NR3C2: variants seen among roughly 807,000 people sequenced by gnomAD.
The protein encoded by NR3C2 is mineralocorticoid receptor.
NR3C2 carries 15 observed loss-of-function variants against 86.4 expected under a neutral mutation model. That is an observed-to-expected ratio of 0.17 (90% CI 0.12 to 0.27). The LOEUF is 0.27. Ranked by LOEUF, NR3C2 falls within the 10% of genes least tolerant of loss-of-function variation. The probability of loss-of-function intolerance (pLI) is 1.00; values close to 1 mark genes in which losing one functional copy is unlikely to be tolerated. For missense variants in NR3C2, 960 were observed against 1,195.6 expected (o/e 0.80, Z 2.91); for synonymous variants, 458 against 450.5 (o/e 1.02, Z -0.21).
At chr4:148,288,553 G>C (rs61760317) in intron 2 of NR3C2, among the ~76,000 whole-genome samples, 31,190 of 152,186 alleles carry the variant, frequency 0.2, 3,374 homozygotes, top group Non-Finnish European at 0.22. Context: ...TTGAGCACAG[G>C]GTTGCTGGGC....
intron 4 of NR3C2, among the ~76,000 whole-genome samples, chr4:148,172,001 C>T (rs951590624): frequency 2.0e-5 from 3 of 152,140 alleles, no homozygotes; most frequent in African/African-American, 7.2e-5. Flanking sequence ...AGTTGATAAT[C>T]CCTGGGAGTT....
At chr4:148,387,123 G>A (rs868584344) in intron 2 of NR3C2, among the ~76,000 whole-genome samples, 1 of 152,204 alleles carries the variant, frequency 6.6e-6, no homozygotes, top group Non-Finnish European at 1.5e-5. Flanking sequence ...GAGATTCCAG[G>A]AAAGCTCTTT....
chr4:148,370,857 G>GC (rs1046097680), intron 2 of NR3C2, among the ~76,000 whole-genome samples: 5 of 151,096 alleles, frequency 3.3e-5, no homozygotes, highest in African/African-American at 9.8e-5. Context: ...TCTCCTCCCC[G>GC]CCCCCCAATA....
chr4:148,430,474 T>A (rs1749750069), intron 2 of NR3C2, among the ~76,000 whole-genome samples: 1 of 152,006 alleles, frequency 6.6e-6, no homozygotes. Flanking sequence ...AAAATGAATA[T>A]CAGGAGAAAC....
intron 4 of NR3C2, among the ~76,000 whole-genome samples, chr4:148,181,128 A>G (rs958338418): frequency 1.3e-5 from 2 of 152,198 alleles, no homozygotes; most frequent in African/African-American, 2.4e-5. Flanking sequence ...AACTACAGAT[A>G]CTTGTTGGAA....
At chr4:148,379,258 T>C (rs963778274) in intron 2 of NR3C2, among the ~76,000 whole-genome samples, 1 of 152,164 alleles carries the variant, frequency 6.6e-6, no homozygotes, top group Non-Finnish European at 1.5e-5. Context: ...GTGTTTTTTT[T>C]TTTAAATACC....
At chr4:148,239,880 C>A (rs1319927284) in intron 3 of NR3C2, among the ~76,000 whole-genome samples, 1 of 151,650 alleles carries the variant, frequency 6.6e-6, no homozygotes. Context: ...ACTTTGGAAG[C>A]TTCAGAGAAC....
chr4:148,343,820 C>T (rs1440087495), intron 2 of NR3C2, among the ~76,000 whole-genome samples: 3 of 152,044 alleles, frequency 2.0e-5, no homozygotes, highest in African/African-American at 7.2e-5. Flanking sequence ...GTACTATTCT[C>T]CTTTTGAGGT....
In NR3C2 at chr4:148,436,776, A is replaced by G; in HGVS notation, c.85T>C (p.Ser29Pro). 6.2e-7 allele frequency: 1 copy of G among 1,613,954 alleles called. No individual in the cohort carries two copies. Among genetic ancestry groups the G allele is most frequent in the Non-Finnish European group, 8.5e-7 (1 of 1,179,886 alleles). Residue 29 changes from serine (S) to proline (P), a missense_variant, in exon 2 of 9, where the codon TCT (serine) becomes CCT (proline). This residue lies in a region of NR3C2 where 680 missense variants were observed against 719.0 expected (regional missense o/e 0.95). Coordinates refer to ENST00000358102, the MANE Select transcript of NR3C2 (RefSeq NM_000901.5). ...WGQVSQAVER[S>P]SLGPTERTDE... ...GTCCTCTCTGTAGGTCCCAGGGAAG[A>G]ACGCTCCACAGCCTGAGAAACTTGA...
chr4:148,371,213 T>G (rs1746402390), intron 2 of NR3C2, among the ~76,000 whole-genome samples: 1 of 152,232 alleles, frequency 6.6e-6, no homozygotes, highest in South Asian at 2.1e-4. Context: ...TTTGAGTTAT[T>G]TTAATATGTA....
upstream of NR3C2, chr4:148,442,930 G>T (rs1369181502): frequency 1.0e-6 from 1 of 985,114 alleles, no homozygotes; most frequent in Non-Finnish European, 1.2e-6. Context: ...GCAAAGTGTC[G>T]TCCCCTCACG....
intron 2 of NR3C2, among the ~76,000 whole-genome samples, chr4:148,429,326 G>GTAT (rs1749693207): frequency 6.6e-6 from 1 of 152,182 alleles, no homozygotes; most frequent in African/African-American, 2.4e-5. Context: ...TACCAATGAA[G>GTAT]TATTCATCAG....
chr4:148,392,227 A>C (rs1747622466), intron 2 of NR3C2, among the ~76,000 whole-genome samples: 1 of 152,240 alleles, frequency 6.6e-6, no homozygotes, highest in Non-Finnish European at 1.5e-5. Flanking sequence ...GAAGAGATAG[A>C]CCATGAGTAG....
At chr4:148,248,296 A>G (rs559359835) in intron 3 of NR3C2, among the ~76,000 whole-genome samples, 42 of 152,338 alleles carry the variant, frequency 2.8e-4, no homozygotes, top group African/African-American at 9.6e-4. Flanking sequence ...AAAAAACAAA[A>G]CAATTAAAAC....
At chr4:148,186,996 G>GTGTATATA (rs1270300388) in intron 4 of NR3C2, among the ~76,000 whole-genome samples, 12 of 27,202 alleles carry the variant, frequency 4.4e-4, no homozygotes, top group East Asian at 2.5e-3. Context: ...GTGTATGTAT[G>GTGTATATA]TATATATATA....
chr4:148,257,765 C>A (rs561113924), intron 3 of NR3C2, among the ~76,000 whole-genome samples: 1 of 152,020 alleles, frequency 6.6e-6, no homozygotes, highest in Non-Finnish European at 1.5e-5. Context: ...AACACAAAAA[C>A]AAATAGGTCT....
At chr4:148,100,416 T>C (rs756283219) in intron 8 of NR3C2, among the ~76,000 whole-genome samples, 2 of 152,152 alleles carry the variant, frequency 1.3e-5, no homozygotes, top group Admixed American at 1.3e-4. Context: ...GGGCAAAGAC[T>C]TGAAAGACGT....
intron 8 of NR3C2, among the ~76,000 whole-genome samples, chr4:148,103,845 A>G (rs1181440463): frequency 2.6e-5 from 4 of 152,154 alleles, no homozygotes; most frequent in Admixed American, 2.6e-4. Flanking sequence ...CAGGCATGTA[A>G]CAGACACCAG....
At chr4:148,244,322 T>C (rs1739214647) in intron 3 of NR3C2, among the ~76,000 whole-genome samples, 1 of 152,216 alleles carries the variant, frequency 6.6e-6, no homozygotes. Flanking sequence ...AATATGTTTT[T>C]AGACAATGTA....
Sources: allele counts gnomAD v4.1 joint callset (sites outside exome capture counted in the v4.1 genomes callset), GRCh38; gene constraint gnomAD v4.1.1; regional missense constraint gnomAD v4.1.1; transcripts MANE v1.5; gene names NCBI Gene and HGNC (gene_info 2026-07-23, HGNC 2026-07-21).